Variants in ARID2 observed in about 807,000 individuals in gnomAD.
The protein encoded by ARID2 is AT-rich interaction domain 2.
ARID2 carries 32 observed loss-of-function variants against 184.6 expected under a neutral mutation model. That is an observed-to-expected ratio of 0.17 (90% CI 0.13 to 0.23). The LOEUF (loss-of-function observed/expected upper bound fraction) is 0.23, where lower values mean the gene tolerates loss of function less well. Ranked by LOEUF, ARID2 falls within the 10% of genes least tolerant of loss-of-function variation. ARID2 has a pLI of 1.00. For synonymous variants in ARID2, 836 were observed against 772.6 expected (o/e 1.08, Z -1.36); for missense variants, 1,696 against 2,197.6 (o/e 0.77, Z 4.56).
chr12:45,885,972 T>G (rs1326580760), intron 16 of ARID2, among the ~76,000 whole-genome samples: 1 of 152,058 alleles, frequency 6.6e-6, no homozygotes, highest in Non-Finnish European at 1.5e-5. Flanking sequence ...CTCCCAAATC[T>G]CATGTCCTCA....
intron 16 of ARID2, among the ~76,000 whole-genome samples, chr12:45,890,708 CT>C (rs1177663469): frequency 1.3e-5 from 2 of 151,882 alleles, no homozygotes; most frequent in Admixed American, 6.6e-5. Flanking sequence ...TATTTAATTA[CT>C]TTTTTGATTA....
chr12:45,892,438 C>T (rs1340281005), intron 18 of ARID2, among the ~76,000 whole-genome samples: 2 of 151,710 alleles, frequency 1.3e-5, no homozygotes, highest in African/African-American at 4.9e-5. Flanking sequence ...AAGTAATCAT[C>T]TATTTGATAA....
chr12:45,823,162 A>G (rs1416247445), intron 6 of ARID2, among the ~76,000 whole-genome samples: 2 of 152,116 alleles, frequency 1.3e-5, no homozygotes, highest in Non-Finnish European at 2.9e-5. Context: ...CAATAATAAG[A>G]GGAACTTTGG....
chr12:45,828,400 A>G (rs575508330), intron 6 of ARID2, among the ~76,000 whole-genome samples: 2 of 152,174 alleles, frequency 1.3e-5, no homozygotes, highest in South Asian at 4.1e-4. Flanking sequence ...TCCAGGTTGG[A>G]CACAAATAAT....
At chr12:45,889,651 A>G (rs1204680777) in intron 16 of ARID2, among the ~76,000 whole-genome samples, 1 of 152,240 alleles carries the variant, frequency 6.6e-6, no homozygotes, top group Non-Finnish European at 1.5e-5. Flanking sequence ...AAACTCAGGT[A>G]TCGGCCAGGC....
intron 6 of ARID2, among the ~76,000 whole-genome samples, chr12:45,828,564 G>A (rs142700013): frequency 6.9e-4 from 105 of 152,120 alleles, no homozygotes; most frequent in African/African-American, 2.4e-3. Context: ...CAAAGCAGTT[G>A]TACAGTTTTA....
chr12:45,806,224 C>T (rs1018520016), intron 3 of ARID2, among the ~76,000 whole-genome samples: 1 of 151,008 alleles, frequency 6.6e-6, no homozygotes, highest in East Asian at 1.9e-4. Context: ...TTGGTGGGGG[C>T]GAGATGGTGG....
In ARID2 at chr12:45,860,826, C is replaced by G. The variant is rs764163637; in HGVS notation, c.4799C>G (p.Ala1600Gly). 6.3e-7 allele frequency: 1 copy of G among 1,595,810 alleles called. No homozygotes were observed. ...PQNTPMPPSP[A>G]VQVQGQPNSS... ...AACACTCCTATGCCACCTTCACCAG[C>G]TGTACAAGTGCAGGGCCAGCCTAAC... Residue 1600 changes from alanine to glycine, a missense_variant, in exon 16 of 21, where the codon GCT (alanine) becomes GGT (glycine). By Grantham distance (60) the Ala-to-Gly change is moderately conservative (BLOSUM62 0). Around this residue, in one of 11 missense-constraint regions of ARID2, gnomAD observed 111 missense variants for 154.0 expected, o/e 0.72. Transcript: ENST00000334344.
At chr12:45,764,999 C>T (rs1300860261) in intron 3 of ARID2, among the ~76,000 whole-genome samples, 2 of 152,140 alleles carry the variant, frequency 1.3e-5, no homozygotes, top group Non-Finnish European at 2.9e-5. Flanking sequence ...CTCAACCTTG[C>T]TAGCATTTGA....
rs374682573 is a variant in ARID2, at chr12:45,850,463, A to G, written c.2340A>G (p.Pro780=). ...PQQSPLHTVV[P]GQIPSGTPVT... Reference sequence around the variant, plus strand: ...AGTCTCCATTACACACAGTGGTACCAGGACAGATCCCTTCAGGCACTCCTG... The same window carrying G: ...AGTCTCCATTACACACAGTGGTACCGGGACAGATCCCTTCAGGCACTCCTG... Residue 780 remains proline (P), a synonymous_variant, in exon 15 of 21, where the codon CCA becomes CCG. Coordinates refer to ENST00000334344, the MANE Select transcript of ARID2 (RefSeq NM_152641.4). The G allele has an allele frequency of 9.3e-6, 15 of 1,613,942 alleles. No homozygotes were observed. The African/African-American group carries it at 1.9e-4, about 20-fold the overall frequency.
At chr12:45,824,394 C>T (rs1384655941) in intron 6 of ARID2, among the ~76,000 whole-genome samples, 1 of 151,992 alleles carries the variant, frequency 6.6e-6, no homozygotes, top group Non-Finnish European at 1.5e-5. Flanking sequence ...TTGCACCACT[C>T]TCATTCAACA....
chr12:45,884,075 T>C (rs1446683407), intron 16 of ARID2, among the ~76,000 whole-genome samples: 1 of 152,224 alleles, frequency 6.6e-6, no homozygotes, highest in Non-Finnish European at 1.5e-5. Context: ...TTTTATTTTA[T>C]CTCCAAGTTT....
intron 3 of ARID2, among the ~76,000 whole-genome samples, chr12:45,776,984 G>A (rs909088517): frequency 3.3e-5 from 5 of 150,998 alleles, no homozygotes; most frequent in Non-Finnish European, 7.4e-5. Context: ...TAGAGATGGG[G>A]TTTTGCCATG....
At chr12:45,874,496 A>G (rs1943979190) in intron 16 of ARID2, among the ~76,000 whole-genome samples, 1 of 152,220 alleles carries the variant, frequency 6.6e-6, no homozygotes, top group Non-Finnish European at 1.5e-5. Context: ...GTTCATCCCT[A>G]AGAAGCAACT....
At chr12:45,746,982 G>C (rs1479370721) in intron 3 of ARID2, among the ~76,000 whole-genome samples, 1 of 152,122 alleles carries the variant, frequency 6.6e-6, no homozygotes, top group Middle Eastern at 3.4e-3. Flanking sequence ...TGTTAGCCAG[G>C]ATGTTCTCGA....
intron 4 of ARID2, 84 bp from the exon 5 acceptor site, chr12:45,817,586 A>ATATTATATTTTATATATATTATAT: frequency 2.3e-6 from 1 of 427,070 alleles, no homozygotes; most frequent in Non-Finnish European, 3.9e-6. Context: ...ATATATATTT[A>ATATTATATTTTATATATATTATAT]AAGCTGTGTT....
intron 16 of ARID2, among the ~76,000 whole-genome samples, chr12:45,877,572 C>T (rs898067425): frequency 3.3e-5 from 5 of 151,916 alleles, no homozygotes; most frequent in Admixed American, 2.0e-4. Flanking sequence ...AAATGTAATG[C>T]GCTTGAATCA....
At chr12:45,847,127 A>G (rs1368935097) in intron 12 of ARID2, among the ~76,000 whole-genome samples, 190 bp downstream of exon 12, 1 of 152,150 alleles carries the variant, frequency 6.6e-6, no homozygotes, top group Non-Finnish European at 1.5e-5. Context: ...AAAGAAAAAT[A>G]TTCATCAGAA....
chr12:45,745,499 T>G (rs780662477), intron 3 of ARID2, among the ~76,000 whole-genome samples: 3 of 152,172 alleles, frequency 2.0e-5, no homozygotes, highest in Non-Finnish European at 4.4e-5. Flanking sequence ...AAAGGAATAA[T>G]TTTAGAAGAC....
Sources: gnomAD v4.1 joint callset for allele counts (sites outside exome capture counted in the v4.1 genomes callset) on GRCh38, gnomAD v4.1.1 for gene constraint, gnomAD v4.1.1 regional missense constraint, MANE v1.5 for transcripts, NCBI Gene and HGNC (gene_info 2026-07-23, HGNC 2026-07-21) for gene names.